The following PCDHGA3 variants were observed in gnomAD, a reference collection of about 807,000 sequenced individuals.
PCDHGA3 encodes protocadherin gamma-A3.
PCDHGA3 carries 40 observed loss-of-function variants against 58.5 expected under a neutral mutation model. That is an observed-to-expected ratio of 0.68 (90% CI 0.53 to 0.89). PCDHGA3 has a LOEUF of 0.89. Among genes scored for constraint, PCDHGA3 ranks in the 40% least tolerant of loss-of-function variants. The pLI is 0.00. For synonymous variants in PCDHGA3, 530 were observed against 525.7 expected, an observed-to-expected ratio of 1.01 and a Z score of -0.11; for missense variants, 1,223 against 1,195.9, an observed-to-expected ratio of 1.02 and a Z score of -0.33.
Position 141,419,433 on chromosome 5 carries a change from T to C in PCDHGA3, c.2424+72976T>C, listed in dbSNP as rs1333004780. 11 of 1,613,246 alleles carry C rather than the reference T, an allele frequency of 6.8e-6. No individual in the cohort carries two copies. The highest frequency in any genetic ancestry group is 9.3e-6 in the Non-Finnish European group (11 of 1,179,828). On this transcript the variant is annotated intron_variant, in intron 1 of 3. Coordinates refer to ENST00000253812, the MANE Select transcript of PCDHGA3 (RefSeq NM_018916.4). ...CAGCGCGCCTTCGACCACGAGCAGC[T>C]GCGCACCTTCGAGCTCACGCTGCAG... is the stretch of plus-strand genomic sequence containing the variant.
Position 141,432,244 on chromosome 5 carries a change from C to T in PCDHGA3, c.2425-62563C>T. 1 of 1,614,262 alleles carries T rather than the reference C, an allele frequency of 6.2e-7. No homozygotes were observed. Among genetic ancestry groups the T allele is most frequent in the Non-Finnish European group, 8.5e-7 (1 of 1,180,048 alleles). On this transcript the variant is annotated intron_variant, in intron 1 of 3. Coordinates refer to ENST00000253812, the MANE Select transcript of PCDHGA3 (RefSeq NM_018916.4). The surrounding 1 kb of genome is among the most constrained non-coding windows in gnomAD (Gnocchi z 6.0). ...TCACTTATTCCCTGGCTGAGAACAC[C>T]ATCCAAGGGGCAAGCCTATCGTCCT...
chr5:141,454,693 A>G (rs951819293), intron 1 of PCDHGA3, among the ~76,000 whole-genome samples: 1 of 151,738 alleles, frequency 6.6e-6, no homozygotes, highest in Non-Finnish European at 1.5e-5. Context: ...GGCATGAGCC[A>G]CCATGCTCCA....
chr5:141,483,951 TTG>T (rs1298075162), intron 1 of PCDHGA3, among the ~76,000 whole-genome samples: 2 of 147,758 alleles, frequency 1.4e-5, no homozygotes, highest in Non-Finnish European at 3.0e-5. Flanking sequence ...GTGAATTGTG[TTG>T]TGTTTCTGTG....
At chr5:141,380,267 C>A (rs1021604042) in intron 1 of PCDHGA3, among the ~76,000 whole-genome samples, 2 of 152,042 alleles carry the variant, frequency 1.3e-5, no homozygotes, top group Non-Finnish European at 2.9e-5. Flanking sequence ...GGAGTAAAAT[C>A]TCAGAGGAGA....
chr5:141,429,330 T>C (rs2097204620), intron 1 of PCDHGA3, among the ~76,000 whole-genome samples: 1 of 152,188 alleles, frequency 6.6e-6, no homozygotes, highest in East Asian at 1.9e-4. Flanking sequence ...CTTTAATCCA[T>C]TAACTATAAA....
chr5:141,402,882 G>C, intron 1 of PCDHGA3: 2 of 1,479,680 alleles, frequency 1.4e-6, no homozygotes, highest in East Asian at 4.8e-5. Context: ...TACTTTGCAG[G>C]GTGGAAGAAA....
chr5:141,457,949 C>G (rs2098933653), intron 1 of PCDHGA3, among the ~76,000 whole-genome samples: 1 of 152,192 alleles, frequency 6.6e-6, no homozygotes. Flanking sequence ...CTCTGCATGT[C>G]AAGCTTGATT....
chr5:141,402,880 A>G (rs886365174), intron 1 of PCDHGA3: 2 of 1,474,944 alleles, frequency 1.4e-6, no homozygotes, highest in Non-Finnish European at 1.8e-6. Flanking sequence ...CATACTTTGC[A>G]GGGTGGAAGA....
In PCDHGA3 at chr5:141,355,536, T is replaced by C. The variant is rs1403800891; in HGVS notation, c.2424+9079T>C. On this transcript the variant is annotated intron_variant, in intron 1 of 3. Coordinates refer to ENST00000253812, the MANE Select transcript of PCDHGA3 (RefSeq NM_018916.4). ...CAAACCTGGAGATTCTTCTAGAAGA[T>C]ACAGTGAAGATTTTGCGGGTAGAGG... 2.5e-6 allele frequency: 4 copies of C among 1,613,864 alleles called. No individual in the cohort carries two copies. In the South Asian group the frequency reaches 3.3e-5, roughly 13 times the overall value.
rs1178458180 is a variant in PCDHGA3 at position 141,384,264 on chromosome 5, A to G, written c.2424+37807A>G. The G allele has an allele frequency of 5.0e-6, 8 of 1,613,664 alleles. No individual in the cohort carries two copies. The African/African-American group carries it at 8.0e-5, about 16-fold the overall frequency. On this transcript the variant is annotated intron_variant, in intron 1 of 3. Transcript: ENST00000253812. ...ATAACCCACCCACCTTCCCCCACTCATCCTACTCAGTCTACATCGCTGAGA... is the reference window on the plus strand; with the variant it reads ...ATAACCCACCCACCTTCCCCCACTCGTCCTACTCAGTCTACATCGCTGAGA...
chr5:141,345,627 G>A lies in PCDHGA3; in HGVS notation c.1594G>A (p.Val532Met). The A allele has an allele frequency of 6.2e-7, 1 of 1,614,188 alleles. No homozygotes were observed. Among genetic ancestry groups the A allele is most frequent in the South Asian group, 1.1e-5 (1 of 91,082 alleles). The change falls in exon 1 of 4, where the codon GTG becomes ATG. Residue 532 changes from valine (V) to methionine (M), a missense_variant. By Grantham distance (21) the Val-to-Met change is conservative. This residue lies in a region of PCDHGA3 where 791 missense variants were observed against 708.5 expected (regional missense o/e 1.12). Coordinates refer to ENST00000253812, the MANE Select transcript of PCDHGA3 (RefSeq NM_018916.4). ...GCAATTTAGAGACTTAAAGCTACTG[G>A]TGACAGCCAGCGACAGCGGGAACCC... ...YEQFRDLKLL[V>M]TASDSGNPPL...
chr5:141,364,467 G>T (rs776444046), intron 1 of PCDHGA3: 2 of 1,614,004 alleles, frequency 1.2e-6, no homozygotes, highest in Non-Finnish European at 1.7e-6. Context: ...TCCTTCGTCG[G>T]CAACATAGCC....
At chr5:141,404,832 G>T in intron 1 of PCDHGA3, 1 of 1,613,864 alleles carries the variant, frequency 6.2e-7, no homozygotes, top group Non-Finnish European at 8.5e-7. Flanking sequence ...GGTGAAGTGC[G>T]CACAGCTCGG....
chr5:141,404,490 T>A (rs748668164), intron 1 of PCDHGA3: 6 of 1,613,632 alleles, frequency 3.7e-6, no homozygotes, highest in Non-Finnish European at 5.1e-6. Flanking sequence ...GACACTGGTG[T>A]GCTGTATGCT....
chr5:141,490,890 G>C lies in PCDHGA3; in HGVS notation c.2425-3917G>C, dbSNP rs751713801. The C allele has an allele frequency of 9.9e-6, 16 of 1,613,306 alleles. No homozygotes were observed. The South Asian group carries it at 1.2e-4, about 12-fold the overall frequency. On this transcript the variant is annotated intron_variant, in intron 1 of 3. Transcript: ENST00000253812. This position sits in a 1 kb window ranked among gnomAD's most constrained non-coding sequence, Gnocchi z 5.4. ...CCCCATTGCATGCCAACACATCTCT[G>C]CATGTGTTTGTCCTAGACGAGAATG...
chr5:141,400,783 T>G (rs2094075214), intron 1 of PCDHGA3: 1 of 566,968 alleles, frequency 1.8e-6, no homozygotes, highest in African/African-American at 1.9e-5. Flanking sequence ...TGCGTTTTTT[T>G]GTCCTCTTTC....
chr5:141,360,990 C>T (rs1486053605), intron 1 of PCDHGA3: 1 of 1,613,336 alleles, frequency 6.2e-7, no homozygotes, highest in Non-Finnish European at 8.5e-7. Context: ...ATAATGTGGA[C>T]GAACAAGTGA....
In PCDHGA3 at chr5:141,477,533, G is replaced by C. The variant is rs780541121; in HGVS notation, c.2425-17274G>C. On this transcript the variant is annotated intron_variant, in intron 1 of 3. Transcript: ENST00000253812. This position sits in a 1 kb window ranked among gnomAD's most constrained non-coding sequence, Gnocchi z 4.9. ...TTACATTGAAGAAAACAACCTCCCC[G>C]GGGCTCCAATACTAAACCTAAGTGT... The C allele has an allele frequency of 6.2e-7, 1 of 1,613,892 alleles. No individual in the cohort carries two copies. The highest frequency in any genetic ancestry group is 1.3e-5 in the African/African-American group (1 of 74,852).
chr5:141,396,626 A>G (rs1273835228), intron 1 of PCDHGA3: 1 of 152,182 alleles, frequency 6.6e-6, no homozygotes, highest in African/African-American at 2.4e-5. Flanking sequence ...TCTCAAAAAA[A>G]AAAAAAACTA....
Sources: gnomAD v4.1 joint callset for allele counts (sites outside exome capture counted in the v4.1 genomes callset) on GRCh38, gnomAD v4.1.1 for gene constraint, gnomAD v4.1.1 regional missense constraint, Gnocchi (gnomAD v3.1) non-coding constraint, MANE v1.5 for transcripts, NCBI Gene and HGNC (gene_info 2026-07-23, HGNC 2026-07-21) for gene names.